Variants in GMDS observed in about 807,000 individuals in gnomAD.
GMDS encodes GDP-mannose 4,6 dehydratase.
In GMDS, 20 loss-of-function variants were observed where a neutral mutation model predicts 49.9. The ratio of observed to expected loss-of-function variants is 0.40; its 90% CI spans 0.28 to 0.58. The LOEUF (loss-of-function observed/expected upper bound fraction) is 0.58. Ranked by LOEUF, GMDS falls within the 20% of genes least tolerant of loss-of-function variation. The pLI, the probability that GMDS is intolerant of heterozygous loss-of-function variation, is 0.42. For missense variants in GMDS, 362 were observed against 481.4 expected (o/e 0.75, Z 2.32); for synonymous variants, 177 against 178.6 (o/e 0.99, Z 0.07).
intron 4 of GMDS, among the ~76,000 whole-genome samples, chr6:2,062,190 T>C (rs935224908): frequency 6.6e-6 from 1 of 152,158 alleles, no homozygotes; most frequent in African/African-American, 2.4e-5. Flanking sequence ...GGGAAGCTTC[T>C]TAGTGGCCCA....
chr6:2,175,374 T>C (rs1031406512), intron 1 of GMDS, among the ~76,000 whole-genome samples: 4 of 152,164 alleles, frequency 2.6e-5, no homozygotes, highest in African/African-American at 9.7e-5. Flanking sequence ...ACTGTTGAGC[T>C]CAAAGAGGAA....
chr6:1,884,953 A>G (rs372281440), intron 7 of GMDS, among the ~76,000 whole-genome samples: 2 of 152,236 alleles, frequency 1.3e-5, no homozygotes, highest in East Asian at 3.8e-4. Context: ...CTCAATGTTA[A>G]ATTTTGAAAT....
chr6:2,123,559 G>A lies in GMDS; in HGVS notation c.147+1128C>T, dbSNP rs139967568. On this transcript the variant is annotated intron_variant, in intron 2 of 10. Transcript: ENST00000380815. The stretch of plus-strand genomic sequence containing the variant: ...TATTCCTTTTAACAGATATTAAGGC[G>A]TTAGGTTAATCTAGCCTGAATAAAT... 1.7e-3 allele frequency among the ~76,000 whole-genome samples: 255 copies of A among 152,302 alleles called. 1 individual carries two copies. The highest frequency in any genetic ancestry group is 1.9e-3 in the Non-Finnish European group (126 of 68,026).
chr6:1,890,830 G>A (rs1249652326), intron 7 of GMDS, among the ~76,000 whole-genome samples: 1 of 152,172 alleles, frequency 6.6e-6, no homozygotes, highest in Non-Finnish European at 1.5e-5. Context: ...GGTGGATTAA[G>A]GTTCAATGGT....
intron 4 of GMDS, among the ~76,000 whole-genome samples, chr6:2,026,048 C>T (rs903986097): frequency 1.3e-5 from 2 of 152,154 alleles, no homozygotes; most frequent in African/African-American, 4.8e-5. Flanking sequence ...ACATTGTACT[C>T]AAATACTCAA....
At chr6:2,234,195 T>C (rs940473151) in intron 1 of GMDS, among the ~76,000 whole-genome samples, 3 of 152,198 alleles carry the variant, frequency 2.0e-5, no homozygotes, top group African/African-American at 7.2e-5. Flanking sequence ...AGTCCTTTTA[T>C]TCTCCTCTCA....
intron 7 of GMDS, among the ~76,000 whole-genome samples, chr6:1,756,893 C>T (rs574535738): frequency 8.5e-4 from 129 of 152,364 alleles, no homozygotes; most frequent in Non-Finnish European, 6.6e-4. Context: ...AGTTCACTTC[C>T]TCCGCACGCA....
chr6:1,929,837 T>A (rs995311566), intron 7 of GMDS, among the ~76,000 whole-genome samples: 1 of 152,212 alleles, frequency 6.6e-6, no homozygotes, highest in African/African-American at 2.4e-5. Flanking sequence ...CATCTATCTA[T>A]CCATCATCCA....
chr6:1,708,638 G>A (rs1051590153), intron 9 of GMDS, among the ~76,000 whole-genome samples: 89 of 152,196 alleles, frequency 5.8e-4, no homozygotes, highest in African/African-American at 2.1e-3. Context: ...ATAAACTGCT[G>A]GTAGAATATT....
In GMDS at chr6:1,711,251, T is replaced by C. The variant is rs546722459; in HGVS notation, c.987+15165A>G. Among the ~76,000 whole-genome samples, 64 of 152,350 alleles carry C rather than the reference T, an allele frequency of 4.2e-4. 1 individual carries two copies. The South Asian group carries it at 0.013, about 31-fold the overall frequency. ...CCCACTTACCGAGGCTTGGCCAGCC[T>C]CAGAGCCGGCTGCCTCAGGATCCCT... On this transcript the variant is annotated intron_variant, in intron 9 of 10. Coordinates refer to ENST00000380815, the MANE Select transcript of GMDS (RefSeq NM_001500.4).
chr6:2,144,226 T>C (rs1194679208), intron 1 of GMDS, among the ~76,000 whole-genome samples: 2 of 152,068 alleles, frequency 1.3e-5, no homozygotes, highest in Non-Finnish European at 2.9e-5. Flanking sequence ...TTACAAACCA[T>C]ACGTTCTATG....
chr6:1,889,967 C>T (rs73718524), intron 7 of GMDS, among the ~76,000 whole-genome samples: 18 of 152,116 alleles, frequency 1.2e-4, no homozygotes, highest in African/African-American at 4.1e-4. Flanking sequence ...AATAATATGA[C>T]GTATTATGGA....
chr6:1,671,837 G>A (rs1480679917), intron 9 of GMDS, among the ~76,000 whole-genome samples: 1 of 151,882 alleles, frequency 6.6e-6, no homozygotes, highest in Non-Finnish European at 1.5e-5. Flanking sequence ...GCTAATTTTT[G>A]TATTTTTAGT....
intron 4 of GMDS, among the ~76,000 whole-genome samples, chr6:1,992,697 A>T (rs1000709927): frequency 2.0e-5 from 3 of 152,160 alleles, no homozygotes; most frequent in Admixed American, 2.0e-4. Flanking sequence ...TTCTAAAAGA[A>T]TATATAACTT....
chr6:2,238,466 T>A (rs776220569), intron 1 of GMDS, among the ~76,000 whole-genome samples: 1 of 152,156 alleles, frequency 6.6e-6, no homozygotes, highest in Non-Finnish European at 1.5e-5. Flanking sequence ...CAAAATGCAT[T>A]TGCATCCTTG....
intron 7 of GMDS, among the ~76,000 whole-genome samples, chr6:1,773,646 A>G (rs977014213): frequency 6.6e-6 from 1 of 152,226 alleles, no homozygotes; most frequent in Non-Finnish European, 1.5e-5. Context: ...TGGCTGTCAG[A>G]TGGACTGGCC....
chr6:1,996,109 T>TCTCCTTCCTCCTCCTTC (rs996813851), intron 4 of GMDS, among the ~76,000 whole-genome samples: 4 of 151,816 alleles, frequency 2.6e-5, no homozygotes, highest in African/African-American at 9.7e-5. Context: ...TCCTTCTCCT[T>TCTCCTTCCTCCTCCTTC]CTCCTTCCTC....
intron 7 of GMDS, among the ~76,000 whole-genome samples, chr6:1,751,792 G>A (rs773112360): frequency 7.2e-5 from 11 of 152,216 alleles, no homozygotes; most frequent in Non-Finnish European, 1.5e-4. Flanking sequence ...GTGCCCAGCT[G>A]GGCCTGACTG....
At chr6:1,842,807 T>C (rs556357766) in intron 7 of GMDS, among the ~76,000 whole-genome samples, 45 of 152,246 alleles carry the variant, frequency 3.0e-4, no homozygotes, top group African/African-American at 9.6e-4. Flanking sequence ...GAGGCTCACA[T>C]TGTATATTTT....
Sources: gnomAD v4.1 joint callset for allele counts (sites outside exome capture counted in the v4.1 genomes callset) on GRCh38, gnomAD v4.1.1 for gene constraint, MANE v1.5 for transcripts, NCBI Gene and HGNC (gene_info 2026-07-23, HGNC 2026-07-21) for gene names.